SETBP1: variants seen among roughly 807,000 people sequenced by gnomAD.
SETBP1 encodes the protein SET binding protein 1.
Under a neutral mutation model 101.0 loss-of-function variants are expected in SETBP1, and 9 were observed. That is an observed-to-expected ratio of 0.09 (90% CI 0.05 to 0.16). SETBP1 has a LOEUF of 0.16. Among genes scored for constraint, SETBP1 ranks in the 10% least tolerant of loss-of-function variants. The probability of loss-of-function intolerance (pLI) is 1.00; values close to 1 mark genes in which losing one functional copy is unlikely to be tolerated. For synonymous variants in SETBP1, 818 were observed against 788.5 expected, an observed-to-expected ratio of 1.04 and a Z score of -0.63; for missense variants, 1,858 against 2,033.8, an observed-to-expected ratio of 0.91 and a Z score of 1.66.
chr18:44,771,616 G>GGTGAGGA (rs1207266310), intron 2 of SETBP1, among the ~76,000 whole-genome samples: 1 of 152,144 alleles, frequency 6.6e-6, no homozygotes, highest in Non-Finnish European at 1.5e-5. Context: ...AGACACCCAC[G>GGTGAGGA]GTGAGGAGGA....
chr18:44,817,801 C>T (rs1226691317), intron 2 of SETBP1, among the ~76,000 whole-genome samples: 2 of 151,916 alleles, frequency 1.3e-5, no homozygotes, highest in African/African-American at 4.8e-5. Flanking sequence ...TGAGGAGGAA[C>T]GTGGGTCTCT....
intron 4 of SETBP1, among the ~76,000 whole-genome samples, chr18:45,004,744 T>G (rs1196040066): frequency 6.6e-6 from 1 of 152,204 alleles, no homozygotes; most frequent in Non-Finnish European, 1.5e-5. Context: ...CAGGCTTCAC[T>G]CATGGGTGAG....
intron 2 of SETBP1, among the ~76,000 whole-genome samples, chr18:44,812,266 G>A (rs1489953526): frequency 6.6e-6 from 1 of 152,028 alleles, no homozygotes; most frequent in Non-Finnish European, 1.5e-5. Context: ...CTATACCACA[G>A]TGATAATGAT....
intron 3 of SETBP1, among the ~76,000 whole-genome samples, chr18:44,896,704 G>C (rs2069911232): frequency 6.6e-6 from 1 of 152,094 alleles, no homozygotes; most frequent in African/African-American, 2.4e-5. Context: ...TGGTCAGGAT[G>C]ATCTCGGCCT....
At chr18:44,999,617 A>C (rs2072573663) in intron 4 of SETBP1, among the ~76,000 whole-genome samples, 2 of 152,224 alleles carry the variant, frequency 1.3e-5, no homozygotes, top group Admixed American at 1.3e-4. Context: ...CACCTCAGAG[A>C]TAACTCGCAA....
intron 3 of SETBP1, among the ~76,000 whole-genome samples, chr18:44,942,461 C>A (rs1457613911): frequency 6.6e-6 from 1 of 152,178 alleles, no homozygotes; most frequent in Non-Finnish European, 1.5e-5. Context: ...TCCTAACCTG[C>A]AAATTCCATT....
At chr18:44,694,384 G>A (rs1376877318) in intron 1 of SETBP1, among the ~76,000 whole-genome samples, 1 of 152,138 alleles carries the variant, frequency 6.6e-6, no homozygotes, top group African/African-American at 2.4e-5. Flanking sequence ...ACTAATTTTT[G>A]TGTTTTTAGT....
At chr18:44,854,483 C>T (rs921372795) in intron 2 of SETBP1, among the ~76,000 whole-genome samples, 2 of 152,152 alleles carry the variant, frequency 1.3e-5, no homozygotes, top group Non-Finnish European at 2.9e-5. Flanking sequence ...TGCATCAGCC[C>T]ACAAACCCAC....
chr18:44,906,636 C>T (rs1281451280), intron 3 of SETBP1, among the ~76,000 whole-genome samples: 2 of 152,118 alleles, frequency 1.3e-5, no homozygotes, highest in East Asian at 1.9e-4. Context: ...TTGTAGCCCT[C>T]CCTTGTTCTG....
chr18:44,790,932 A>T (rs1263325517), intron 2 of SETBP1, among the ~76,000 whole-genome samples: 4 of 152,208 alleles, frequency 2.6e-5, no homozygotes, highest in Non-Finnish European at 4.4e-5. Flanking sequence ...TTGTCTATTT[A>T]AAAAAATTAT....
chr18:44,727,186 CTG>C lies in SETBP1; in HGVS notation c.486+25386_486+25387del, dbSNP rs56695366. 3.8e-3 allele frequency among the ~76,000 whole-genome samples: 558 copies of C among 145,260 alleles called. 5 individuals carry two copies. Among genetic ancestry groups the C allele is most frequent in the Middle Eastern group, 0.014 (4 of 286 alleles). ...TGCATTTGACTGAAATATTTGATCA[CTG>C]TGTGTGTGTGTGTGTGTGTGTGTGT... is the stretch of plus-strand genomic sequence containing the variant. On this transcript the variant is annotated intron_variant, in intron 2 of 5. Transcript: ENST00000649279.
intron 2 of SETBP1, among the ~76,000 whole-genome samples, chr18:44,722,161 A>G (rs2069614159): frequency 6.6e-6 from 1 of 150,568 alleles, no homozygotes; most frequent in African/African-American, 2.4e-5. Flanking sequence ...TGTACCGAAA[A>G]GAGCCCAGCA....
intron 3 of SETBP1, among the ~76,000 whole-genome samples, chr18:44,910,653 C>G (rs1033372054): frequency 6.6e-6 from 1 of 152,110 alleles, no homozygotes; most frequent in Non-Finnish European, 1.5e-5. Flanking sequence ...TTTTCTTCCC[C>G]CAGAGGAAAC....
intron 2 of SETBP1, among the ~76,000 whole-genome samples, chr18:44,761,598 A>G (rs2070648288): frequency 1.3e-5 from 2 of 152,338 alleles, no homozygotes; most frequent in South Asian, 4.1e-4. Flanking sequence ...ACAGTTCCTT[A>G]TCAAGAGAAT....
chr18:44,957,469 G>A (rs1045696880), intron 4 of SETBP1, among the ~76,000 whole-genome samples: 10 of 152,026 alleles, frequency 6.6e-5, no homozygotes, highest in African/African-American at 1.7e-4. Context: ...CCAAGTCCCC[G>A]AATGTTGAGT....
intron 3 of SETBP1, among the ~76,000 whole-genome samples, chr18:44,932,891 ATCC>A (rs2070869848): frequency 1.3e-5 from 2 of 152,164 alleles, no homozygotes; most frequent in African/African-American, 4.8e-5. Flanking sequence ...GGGTTTGAAC[ATCC>A]TCCTTTAGCT....
chr18:44,790,783 C>T (rs1052884719), intron 2 of SETBP1, among the ~76,000 whole-genome samples: 1 of 152,116 alleles, frequency 6.6e-6, no homozygotes, highest in Admixed American at 6.5e-5. Flanking sequence ...AGTTGAGAAG[C>T]ACTGTCCTAG....
At chr18:44,997,531 G>T (rs1015097503) in intron 4 of SETBP1, among the ~76,000 whole-genome samples, 1 of 152,112 alleles carries the variant, frequency 6.6e-6, no homozygotes, top group Non-Finnish European at 1.5e-5. Flanking sequence ...ACTATACAAT[G>T]GAGCAATTCT....
At chr18:45,000,288 G>T (rs1599430994) in intron 4 of SETBP1, among the ~76,000 whole-genome samples, 2 of 152,356 alleles carry the variant, frequency 1.3e-5, no homozygotes, top group East Asian at 3.9e-4. Context: ...ACTGATGTTA[G>T]TAGAATCAAG....
Sources: allele counts gnomAD v4.1 joint callset (sites outside exome capture counted in the v4.1 genomes callset), GRCh38; gene constraint gnomAD v4.1.1; transcripts MANE v1.5; gene names NCBI Gene and HGNC (gene_info 2026-07-23, HGNC 2026-07-21).